PHACTR1: variants seen among roughly 807,000 people sequenced by gnomAD.
PHACTR1 encodes RPEL repeat containing 1.
PHACTR1 carries 16 observed loss-of-function variants against 69.2 expected under a neutral mutation model. The ratio of observed to expected loss-of-function variants is 0.23; its 90% CI spans 0.16 to 0.35. The LOEUF is 0.35. PHACTR1 is among the 10% of genes least tolerant of loss of function. The probability of loss-of-function intolerance (pLI) is 1.00; values close to 1 mark genes in which losing one functional copy is unlikely to be tolerated. For synonymous variants in PHACTR1, 312 were observed against 284.5 expected (o/e 1.10, Z -0.97); for missense variants, 510 against 734.7 (o/e 0.69, Z 3.54).
intron 4 of PHACTR1, among the ~76,000 whole-genome samples, chr6:12,789,529 C>G (rs1771963875): frequency 6.6e-6 from 1 of 152,064 alleles, no homozygotes; most frequent in African/African-American, 2.4e-5. Flanking sequence ...AATTTATATT[C>G]TGAGCCCATA....
chr6:13,107,587 CT>C (rs1010905700), intron 5 of PHACTR1, among the ~76,000 whole-genome samples: 1 of 152,088 alleles, frequency 6.6e-6, no homozygotes, highest in Non-Finnish European at 1.5e-5. Context: ...TCTTATGTTG[CT>C]TTTGATAATT....
chr6:13,054,251 G>A (rs1401296779), intron 5 of PHACTR1, among the ~76,000 whole-genome samples: 1 of 152,226 alleles, frequency 6.6e-6, no homozygotes, highest in Non-Finnish European at 1.5e-5. Flanking sequence ...AATATTTGTG[G>A]AGAGTTTGTA....
intron 8 of PHACTR1, among the ~76,000 whole-genome samples, chr6:13,210,494 G>A (rs1031849973): frequency 7.9e-5 from 12 of 152,314 alleles, no homozygotes; most frequent in Admixed American, 6.5e-4. Context: ...TGGGGTCCGA[G>A]CTGGTGGCAT....
chr6:13,004,363 T>G (rs143152003), intron 4 of PHACTR1, among the ~76,000 whole-genome samples: 1 of 152,292 alleles, frequency 6.6e-6, no homozygotes, highest in African/African-American at 2.4e-5. Flanking sequence ...TTAGTTAGCA[T>G]TTCTCTGATT....
chr6:12,938,746 C>T (rs1031305275), intron 4 of PHACTR1, among the ~76,000 whole-genome samples: 4 of 152,142 alleles, frequency 2.6e-5, no homozygotes, highest in African/African-American at 7.2e-5. Flanking sequence ...CAAGGATCTG[C>T]ATTCTGTTGC....
chr6:12,843,899 G>T (rs937062416), intron 4 of PHACTR1, among the ~76,000 whole-genome samples: 5 of 152,116 alleles, frequency 3.3e-5, no homozygotes, highest in Admixed American at 1.3e-4. Flanking sequence ...TTGTTTCTTT[G>T]CATCGATGGA....
At chr6:12,820,093 C>T (rs1239760796) in intron 4 of PHACTR1, among the ~76,000 whole-genome samples, 1 of 152,184 alleles carries the variant, frequency 6.6e-6, no homozygotes, top group Non-Finnish European at 1.5e-5. Context: ...GTGATTATTG[C>T]ATACAAGTGT....
At chr6:12,836,911 C>G (rs550552451) in intron 4 of PHACTR1, among the ~76,000 whole-genome samples, 4 of 152,260 alleles carry the variant, frequency 2.6e-5, no homozygotes, top group South Asian at 4.1e-4. Flanking sequence ...ATGCAGTTTC[C>G]ACATTCTGAT....
At chr6:13,157,547 G>C (rs1012268369) in intron 5 of PHACTR1, among the ~76,000 whole-genome samples, 2 of 152,202 alleles carry the variant, frequency 1.3e-5, no homozygotes, top group East Asian at 3.8e-4. Flanking sequence ...TGCTTAGCCT[G>C]AGAACATCCA....
chr6:13,277,577 G>A (rs975950276), intron 11 of PHACTR1, among the ~76,000 whole-genome samples: 15 of 152,104 alleles, frequency 9.9e-5, no homozygotes, highest in Non-Finnish European at 1.5e-5. Context: ...AACAAAGAAT[G>A]AGTGAGCCCC....
chr6:12,941,681 G>A (rs1790077955), intron 4 of PHACTR1, among the ~76,000 whole-genome samples: 1 of 152,072 alleles, frequency 6.6e-6, no homozygotes, highest in Admixed American at 6.6e-5. Flanking sequence ...TGAATTATGG[G>A]TGTACGTCAG....
intron 4 of PHACTR1, among the ~76,000 whole-genome samples, chr6:12,798,655 G>A (rs777379702): frequency 1.3e-5 from 2 of 152,222 alleles, no homozygotes; most frequent in Non-Finnish European, 2.9e-5. Flanking sequence ...AAGTGGGGGT[G>A]TGGTGACTTG....
intron 4 of PHACTR1, among the ~76,000 whole-genome samples, chr6:12,992,515 C>T (rs956830217): frequency 3.9e-5 from 6 of 152,204 alleles, no homozygotes; most frequent in East Asian, 1.9e-4. Flanking sequence ...TATTCTCTGA[C>T]GTATCTCTTA....
At chr6:12,838,406 C>T (rs1286720030) in intron 4 of PHACTR1, among the ~76,000 whole-genome samples, 1 of 152,078 alleles carries the variant, frequency 6.6e-6, no homozygotes, top group African/African-American at 2.4e-5. Flanking sequence ...TGTTTCGATT[C>T]CTAGATTGAA....
intron 5 of PHACTR1, among the ~76,000 whole-genome samples, chr6:13,060,723 A>G (rs1404954426): frequency 1.3e-5 from 2 of 152,140 alleles, no homozygotes; most frequent in African/African-American, 4.8e-5. Flanking sequence ...AGAGGAGGAG[A>G]AGAACGTACA....
intron 8 of PHACTR1, among the ~76,000 whole-genome samples, chr6:13,223,408 G>A (rs764810781): frequency 1.1e-4 from 16 of 152,090 alleles, no homozygotes; most frequent in Admixed American, 2.6e-4. Context: ...TCTCCTGAAC[G>A]CCCTGAGTAT....
chr6:12,988,220 G>A (rs931397403), intron 4 of PHACTR1, among the ~76,000 whole-genome samples: 30 of 152,154 alleles, frequency 2.0e-4, no homozygotes, highest in Admixed American at 4.6e-4. Context: ...TACCATTTCC[G>A]TCAGAGCTTT....
intron 5 of PHACTR1, among the ~76,000 whole-genome samples, chr6:13,147,353 A>T (rs1823560417): frequency 6.6e-6 from 1 of 152,244 alleles, no homozygotes; most frequent in South Asian, 2.1e-4. Context: ...AAGAATATGC[A>T]GCCTGGTCCT....
In PHACTR1 at chr6:13,216,163, A is replaced by T. The variant is rs181238173; in HGVS notation, c.986+10027A>T. Among the ~76,000 whole-genome samples, 92 of 152,322 alleles carry T rather than the reference A, an allele frequency of 6.0e-4. 1 individual carries two copies. The highest frequency in any genetic ancestry group is 2.1e-3 in the African/African-American group (87 of 41,580). On this transcript the variant is annotated intron_variant, in intron 8 of 14. Coordinates refer to ENST00000332995, the MANE Select transcript of PHACTR1 (RefSeq NM_030948.6). ...AAATCCCTCCAAGCTCTAGAATTCT[A>T]TTATCCCATGATTATTTTTAGGCCT...
Sources: allele counts gnomAD v4.1 joint callset (sites outside exome capture counted in the v4.1 genomes callset), GRCh38; gene constraint gnomAD v4.1.1; transcripts MANE v1.5; gene names NCBI Gene and HGNC (gene_info 2026-07-23, HGNC 2026-07-21).